NPHP1: variants seen among roughly 807,000 people sequenced by gnomAD.
NPHP1 encodes the protein nephrocystin 1.
NPHP1 carries 70 observed loss-of-function variants against 90.4 expected under a neutral mutation model. The observed-to-expected ratio is 0.77, with a 90% CI of 0.64 to 0.95. NPHP1 has a LOEUF of 0.95. NPHP1 is among the 40% of genes least tolerant of loss of function. NPHP1 has a pLI of 0.00. For synonymous variants in NPHP1, 256 were observed against 271.7 expected (o/e 0.94, Z 0.57); for missense variants, 764 against 795.9 (o/e 0.96, Z 0.48).
chr2:110,171,756 C>G (rs1421888116), intron 4 of NPHP1, among the ~76,000 whole-genome samples: 1 of 152,090 alleles, frequency 6.6e-6, no homozygotes, highest in East Asian at 1.9e-4. Flanking sequence ...ACCTCACACT[C>G]TGGAACAAAT....
chr2:110,161,751 A>G, intron 9 of NPHP1, 54 bp from the exon 10 acceptor site: 2 of 1,302,830 alleles, frequency 1.5e-6, no homozygotes, highest in South Asian at 2.4e-5. Context: ...CTCCAAATCA[A>G]AAATCCATAA....
chr2:110,136,428 T>C (rs1215679827), intron 16 of NPHP1, among the ~76,000 whole-genome samples: 5 of 152,106 alleles, frequency 3.3e-5, no homozygotes, highest in African/African-American at 4.8e-5. Context: ...AAAACCCCAT[T>C]GTCTCAGCCC....
chr2:110,195,292 T>C (rs1016493173), intron 2 of NPHP1, among the ~76,000 whole-genome samples: 5 of 152,164 alleles, frequency 3.3e-5, no homozygotes, highest in African/African-American at 9.7e-5. Context: ...CTTAAGCTGA[T>C]AGGCAACTTC....
chr2:110,189,315 C>T (rs776536661), intron 2 of NPHP1, among the ~76,000 whole-genome samples: 8 of 152,098 alleles, frequency 5.3e-5, no homozygotes, highest in Middle Eastern at 3.4e-3. Context: ...TTCTGACGTT[C>T]GGATGTGTTT....
At chr2:110,177,313 A>G (rs1683571132) in intron 4 of NPHP1, among the ~76,000 whole-genome samples, 1 of 152,164 alleles carries the variant, frequency 6.6e-6, no homozygotes, top group Admixed American at 6.5e-5. Flanking sequence ...CCTTGCATCT[A>G]CCACCTTCAG....
intron 2 of NPHP1, among the ~76,000 whole-genome samples, chr2:110,181,065 T>C (rs544930000): frequency 2.0e-5 from 3 of 152,268 alleles, no homozygotes; most frequent in South Asian, 4.1e-4. Context: ...CCCACTTCCA[T>C]GGCAACTCAC....
At chr2:110,189,596 G>T (rs545938611) in intron 2 of NPHP1, among the ~76,000 whole-genome samples, 3 of 152,224 alleles carry the variant, frequency 2.0e-5, no homozygotes, top group African/African-American at 7.2e-5. Flanking sequence ...TGTGGAAGGG[G>T]ACCCAAGCGG....
At chr2:110,173,882 A>G (rs1238244431) in intron 4 of NPHP1, among the ~76,000 whole-genome samples, 1 of 152,116 alleles carries the variant, frequency 6.6e-6, no homozygotes, top group Non-Finnish European at 1.5e-5. Context: ...CTTTTGCTTT[A>G]TACATTTGAA....
intron 16 of NPHP1, among the ~76,000 whole-genome samples, chr2:110,142,772 A>C (rs1033372430): frequency 6.6e-6 from 1 of 152,190 alleles, no homozygotes; most frequent in Admixed American, 6.5e-5. Context: ...TAAAGTATAA[A>C]TATCTCATGT....
chr2:110,142,194 G>C lies in NPHP1; in HGVS notation c.1529+1348C>G, dbSNP rs116521002. Among the ~76,000 whole-genome samples, 609 of 152,022 alleles carry C rather than the reference G, an allele frequency of 4.0e-3. 9 individuals carry two copies. Among genetic ancestry groups the C allele is most frequent in the African/African-American group, 0.014 (593 of 41,448 alleles). On this transcript the variant is annotated intron_variant, in intron 16 of 19. Transcript: ENST00000445609. ...ACAACCCAAATGCCCTTCAATTTGTGAATGAATAAACACATTGTAGTATAT... is the reference window on the plus strand; with the variant it reads ...ACAACCCAAATGCCCTTCAATTTGTCAATGAATAAACACATTGTAGTATAT...
chr2:110,130,174 A>G (rs1453351394), intron 17 of NPHP1, among the ~76,000 whole-genome samples: 1 of 152,206 alleles, frequency 6.6e-6, no homozygotes, highest in Non-Finnish European at 1.5e-5. Context: ...CAAAGGCCCC[A>G]CTTTTCAATA....
intron 6 of NPHP1, among the ~76,000 whole-genome samples, chr2:110,167,402 A>G (rs142959004): frequency 1.3e-5 from 2 of 152,272 alleles, no homozygotes; most frequent in African/African-American, 2.4e-5. Flanking sequence ...TTAATCACCA[A>G]TTGCTAATGA....
In NPHP1 at chr2:110,143,538, C is replaced by T; in HGVS notation, c.1529+4G>A. 1 of 1,601,780 alleles carries T rather than the reference C, an allele frequency of 6.2e-7. No individual in the cohort carries two copies. The highest frequency in any genetic ancestry group is 8.6e-7 in the Non-Finnish European group (1 of 1,168,754). On this transcript the variant is annotated splice_donor_region_variant and intron_variant, in intron 16 of 19. Transcript: ENST00000445609. ...TCACTGGACAGGTAAAAGCAGGTACCCACCTTAGTACATTTCTTGATCTTC... is the reference window on the plus strand; with the variant it reads ...TCACTGGACAGGTAAAAGCAGGTACTCACCTTAGTACATTTCTTGATCTTC...
chr2:110,202,717 A>G (rs573403800), intron 1 of NPHP1, among the ~76,000 whole-genome samples: 4 of 152,284 alleles, frequency 2.6e-5, no homozygotes, highest in African/African-American at 7.2e-5. Flanking sequence ...TAAAACTACA[A>G]TGAGGTACCA....
chr2:110,155,107 C>T (rs941636720), intron 11 of NPHP1, among the ~76,000 whole-genome samples: 2 of 152,028 alleles, frequency 1.3e-5, no homozygotes, highest in Admixed American at 1.3e-4. Flanking sequence ...CCCAGCCACT[C>T]CAGCTGTGAC....
At chr2:110,200,406 T>C (rs1219386647) in intron 2 of NPHP1, among the ~76,000 whole-genome samples, 2 of 149,822 alleles carry the variant, frequency 1.3e-5, no homozygotes, top group African/African-American at 4.9e-5. Flanking sequence ...CTACTCAAAA[T>C]ACAAAATCCA....
chr2:110,180,930 A>G (rs1273374894), intron 2 of NPHP1, among the ~76,000 whole-genome samples: 1 of 152,166 alleles, frequency 6.6e-6, no homozygotes, highest in Non-Finnish European at 1.5e-5. Context: ...GTGACCCAGG[A>G]ATTTTATATA....
intron 1 of NPHP1, chr2:110,202,327 T>G (rs1053710515): frequency 4.5e-5 from 17 of 373,730 alleles, no homozygotes; most frequent in Non-Finnish European, 8.5e-5. Context: ...TTCTCTACTC[T>G]TGCAATTTGG....
At chr2:110,161,978 T>C (rs1239916273) in intron 9 of NPHP1, among the ~76,000 whole-genome samples, 1 of 152,186 alleles carries the variant, frequency 6.6e-6, no homozygotes, top group African/African-American at 2.4e-5. Flanking sequence ...CATTCAAATA[T>C]TTTTGTAAAA....
Sources: gnomAD v4.1 joint callset for allele counts (sites outside exome capture counted in the v4.1 genomes callset) on GRCh38, gnomAD v4.1.1 for gene constraint, MANE v1.5 for transcripts, NCBI Gene and HGNC (gene_info 2026-07-23, HGNC 2026-07-21) for gene names.